The following ANKRD55 variants were observed in gnomAD, a reference collection of about 807,000 sequenced individuals.
ANKRD55 encodes ankyrin repeat domain 55.
Under a neutral mutation model 60.6 loss-of-function variants are expected in ANKRD55, and 41 were observed. The ratio of observed to expected loss-of-function variants is 0.68; its 90% CI spans 0.53 to 0.88. The LOEUF is 0.88. ANKRD55 is among the 40% of genes least tolerant of loss of function. The pLI is 0.00. For missense variants in ANKRD55, 732 were observed against 767.6 expected (o/e 0.95, Z 0.55); for synonymous variants, 264 against 290.3 (o/e 0.91, Z 0.92).
At chr5:56,157,610 G>A (rs1178290281) in intron 6 of ANKRD55, among the ~76,000 whole-genome samples, 1 of 152,206 alleles carries the variant, frequency 6.6e-6, no homozygotes, top group African/African-American at 2.4e-5. Context: ...CGGCAATACT[G>A]CTCTTTAAGG....
At chr5:56,168,500 G>A (rs922317136) in intron 5 of ANKRD55, among the ~76,000 whole-genome samples, 1 of 152,152 alleles carries the variant, frequency 6.6e-6, no homozygotes, top group African/African-American at 2.4e-5. Context: ...TGCAAGAGTA[G>A]TGATACTGGC....
chr5:56,173,932 CTTCTAAGTGTCCCGTTTGCGACATTT>C (rs1758680906), intron 4 of ANKRD55, among the ~76,000 whole-genome samples: 1 of 152,160 alleles, frequency 6.6e-6, no homozygotes, highest in East Asian at 1.9e-4. Context: ...TGAGACTTAA[CTTCTAAGTGTCCCGTTTGCGACATTT>C]TTCTTTAATT....
At chr5:56,137,649 T>C (rs1757643135) in intron 7 of ANKRD55, 2 of 517,580 alleles carry the variant, frequency 3.9e-6, no homozygotes, top group Non-Finnish European at 6.8e-6. Flanking sequence ...GATACTGAAA[T>C]AATAATCCAT....
chr5:56,128,876 A>C (rs1483818798), intron 7 of ANKRD55, among the ~76,000 whole-genome samples: 1 of 152,204 alleles, frequency 6.6e-6, no homozygotes. Context: ...CTGTGATTAA[A>C]AAGAATGGTC....
rs185227847 is a variant in ANKRD55 at position 56,111,490 on chromosome 5, C to G, written c.1258G>C (p.Glu420Gln). 1.2e-6 allele frequency: 2 copies of G among 1,614,138 alleles called. No homozygotes were observed. The highest frequency in any genetic ancestry group is 1.7e-4 in the Middle Eastern group (1 of 6,060). The change falls in exon 10 of 12, where the codon GAA (glutamate) becomes CAA (glutamine). Residue 420 changes from glutamate to glutamine, a missense_variant. Physicochemically the swap from Glu to Gln is conservative, Grantham distance 29. Coordinates refer to ENST00000341048, the MANE Select transcript of ANKRD55 (RefSeq NM_024669.3). ...TSDNSKYLLPEKKPLARKGLP... is the reference protein window; with the variant it reads ...TSDNSKYLLPQKKPLARKGLP... ...CCCTTACGGGCCAGCGGTTTCTTTT[C>G]TGGTAAGAGATATTTTGAATTGTCT...
chr5:56,127,372 GA>G (rs1260413713), intron 7 of ANKRD55: 1 of 982,508 alleles, frequency 1.0e-6, no homozygotes, highest in Non-Finnish European at 1.2e-6. Context: ...ACGAAGGATG[GA>G]TTGAAATTAA....
chr5:56,113,616 T>C (rs746251140), intron 9 of ANKRD55, among the ~76,000 whole-genome samples: 14 of 152,134 alleles, frequency 9.2e-5, no homozygotes, highest in Non-Finnish European at 1.9e-4. Context: ...AGCTAAGTAT[T>C]TGCAGAAATT....
intron 2 of ANKRD55, chr5:56,192,982 G>A (rs1759137433): frequency 1.2e-6 from 1 of 835,268 alleles, no homozygotes; most frequent in Admixed American, 2.5e-5. Context: ...AGCTATACTG[G>A]AAAACAATTA....
At position 56,143,841 on chromosome 5, in the gene ANKRD55, A is replaced by G. The variant is rs746434017; in HGVS notation, c.572T>C (p.Val191Ala). 2.6e-5 allele frequency: 42 copies of G among 1,614,068 alleles called. No individual in the cohort carries two copies. Among genetic ancestry groups the G allele is most frequent in the Non-Finnish European group, 3.3e-5 (39 of 1,180,032 alleles). The change falls in exon 7 of 12, where the codon GTG (valine) becomes GCG (alanine). Residue 191 changes from valine (V) to alanine (A), a missense_variant. Val to Ala is a moderately conservative substitution (Grantham distance 64, BLOSUM62 0). Coordinates refer to ENST00000341048, the MANE Select transcript of ANKRD55 (RefSeq NM_024669.3). ...GAGAGCGGTTTTAAAGTCTTTATCC[A>G]CAAGGGTGGGGTCTGCCCCCTTCTT... The part of the protein sequence containing the change: ...LLKKGADPTL[V>A]DKDFKTALHW...
chr5:56,117,109 G>A (rs945351908), intron 8 of ANKRD55, among the ~76,000 whole-genome samples: 4 of 152,226 alleles, frequency 2.6e-5, no homozygotes, highest in Non-Finnish European at 5.9e-5. Flanking sequence ...GGAAGATTGA[G>A]TCAATTTGTC....
At chr5:56,137,300 T>C (rs1757631862) in intron 7 of ANKRD55, 2 of 1,558,342 alleles carry the variant, frequency 1.3e-6, no homozygotes, top group Admixed American at 1.7e-5. Context: ...TGGGTTTCGA[T>C]GTAGATTATC....
chr5:56,137,156 G>A, intron 7 of ANKRD55: 3 of 1,474,846 alleles, frequency 2.0e-6, no homozygotes, highest in Non-Finnish European at 2.8e-6. Flanking sequence ...GTGTACCATT[G>A]TGACGTTACA....
At position 56,130,517 on chromosome 5, in the gene ANKRD55, C is replaced by T. The variant is rs868417181; in HGVS notation, c.613-3411G>A. On this transcript the variant is annotated intron_variant, in intron 7 of 11. Coordinates refer to ENST00000341048, the MANE Select transcript of ANKRD55 (RefSeq NM_024669.3). ...ATAGTACATTTCTCTTCCCCCCATA[C>T]TTCACCATTACATTACTAAAGCGCT... Among the ~76,000 whole-genome samples, 5 of 152,212 alleles carry T rather than the reference C, an allele frequency of 3.3e-5. No homozygotes were observed. In the South Asian group the frequency reaches 8.3e-4, roughly 25 times the overall value.
intron 9 of ANKRD55, among the ~76,000 whole-genome samples, chr5:56,115,202 AAATAAT>A (rs35122181): frequency 4.1e-5 from 4 of 98,110 alleles, no homozygotes; most frequent in Middle Eastern, 4.4e-3. Flanking sequence ...CTGGTTCTAA[AAATAAT>A]AATAATAATA....
intron 3 of ANKRD55, among the ~76,000 whole-genome samples, chr5:56,179,831 C>G (rs374322200): frequency 6.0e-4 from 91 of 152,082 alleles, no homozygotes; most frequent in Admixed American, 1.5e-3. Flanking sequence ...TTATGAAATT[C>G]CAAAAGCAAC....
chr5:56,121,122 A>G (rs1757036406), intron 8 of ANKRD55, among the ~76,000 whole-genome samples: 1 of 152,070 alleles, frequency 6.6e-6, no homozygotes, highest in Non-Finnish European at 1.5e-5. Context: ...CTGAAGGGAT[A>G]AGGACAGAAG....
chr5:56,213,105 C>T (rs1268999301), intron 2 of ANKRD55, among the ~76,000 whole-genome samples: 2 of 152,058 alleles, frequency 1.3e-5, no homozygotes, highest in Admixed American at 1.3e-4. Flanking sequence ...AAATGCATAC[C>T]ATAGTCCTAG....
intron 8 of ANKRD55, among the ~76,000 whole-genome samples, chr5:56,118,176 AG>A (rs1213843014): frequency 2.0e-5 from 3 of 152,058 alleles, no homozygotes; most frequent in Non-Finnish European, 2.9e-5. Context: ...ATTGGCCAAA[AG>A]GTATAAAAAT....
Position 56,105,333 on chromosome 5 carries a change from C to T in ANKRD55, c.1631-2747G>A, listed in dbSNP as rs138901978. 2.8e-3 allele frequency among the ~76,000 whole-genome samples: 421 copies of T among 152,194 alleles called. 23 individuals carry two copies. The South Asian group carries it at 0.067, about 24-fold the overall frequency. On this transcript the variant is annotated intron_variant, in intron 10 of 11. Coordinates refer to ENST00000341048, the MANE Select transcript of ANKRD55 (RefSeq NM_024669.3). ...AACTCCTGACCTCAGGTGATCCACC[C>T]GTCTCAGCCTCCCAAAGTGTTGGGA...
Sources: allele counts gnomAD v4.1 joint callset (sites outside exome capture counted in the v4.1 genomes callset), GRCh38; gene constraint gnomAD v4.1.1; transcripts MANE v1.5; gene names NCBI Gene and HGNC (gene_info 2026-07-23, HGNC 2026-07-21).